Variants in ARFGEF1 observed in about 807,000 individuals in gnomAD.
ARFGEF1 encodes brefeldin A-inhibited guanine nucleotide-exchange protein 1.
A neutral mutation model predicts 231.0 loss-of-function variants in ARFGEF1; 42 were observed. The observed-to-expected ratio is 0.18, with a 90% CI of 0.14 to 0.24. The LOEUF is 0.24. Among genes scored for constraint, ARFGEF1 ranks in the 10% least tolerant of loss-of-function variants. The pLI is 1.00. For missense variants in ARFGEF1, 1,345 were observed against 2,192.0 expected, an observed-to-expected ratio of 0.61 and a Z score of 7.72; for synonymous variants, 710 against 732.3, an observed-to-expected ratio of 0.97 and a Z score of 0.49.
chr8:67,311,566 G>A (rs1807062661), intron 1 of ARFGEF1, among the ~76,000 whole-genome samples: 1 of 148,572 alleles, frequency 6.7e-6, no homozygotes, highest in African/African-American at 2.5e-5. Flanking sequence ...AGGGAGATGG[G>A]GGGGTCAGCC....
At chr8:67,309,697 C>T (rs1191214743) in intron 1 of ARFGEF1, among the ~76,000 whole-genome samples, 1 of 152,140 alleles carries the variant, frequency 6.6e-6, no homozygotes, top group African/African-American at 2.4e-5. Context: ...GAAAAAAATA[C>T]TTTTTGCTCA....
intron 1 of ARFGEF1, among the ~76,000 whole-genome samples, chr8:67,332,735 T>C (rs1023824140): frequency 1.3e-5 from 2 of 152,316 alleles, no homozygotes; most frequent in Non-Finnish European, 2.9e-5. Context: ...CTTACAAACA[T>C]GTAGTACTGT....
At chr8:67,270,368 T>C (rs1441353879) in intron 10 of ARFGEF1, among the ~76,000 whole-genome samples, 1 of 152,200 alleles carries the variant, frequency 6.6e-6, no homozygotes, top group Non-Finnish European at 1.5e-5. Flanking sequence ...TCTTGATAGC[T>C]ATTACAGAAC....
In ARFGEF1 at chr8:67,200,468, T is replaced by C; in HGVS notation, c.5313A>G (p.Glu1771=). 1 of 1,607,314 alleles carries C rather than the reference T, an allele frequency of 6.2e-7. No homozygotes were observed. Residue 1771 remains glutamate (E), a synonymous_variant, in exon 38 of 39, where the codon GAA becomes GAG. Coordinates refer to ENST00000262215, the MANE Select transcript of ARFGEF1 (RefSeq NM_006421.5). The stretch of plus-strand genomic sequence containing the variant: ...AGTTAGTCCAGGCTTCTCGATGACT[T>C]TCTGATGTTAGAGTGAGGAAGTAAC... ...ALSYFLTLTS[E]SHREAWTNLL... is the part of the protein sequence containing the mutation.
At chr8:67,291,431 T>A (rs1806005926) in intron 6 of ARFGEF1, among the ~76,000 whole-genome samples, 1 of 151,556 alleles carries the variant, frequency 6.6e-6, no homozygotes, top group Admixed American at 6.6e-5. Flanking sequence ...TTTTTTTTTT[T>A]ACCATAATCA....
At chr8:67,302,850 G>A (rs1806556059) in intron 1 of ARFGEF1, among the ~76,000 whole-genome samples, 1 of 149,128 alleles carries the variant, frequency 6.7e-6, no homozygotes, top group Non-Finnish European at 1.5e-5. Flanking sequence ...CAACGCAGGA[G>A]GATCACTTGA....
chr8:67,188,484 G>T (rs868174281), intron 5 of ARFGEF1, among the ~76,000 whole-genome samples: 1 of 152,202 alleles, frequency 6.6e-6, no homozygotes, highest in Non-Finnish European at 1.5e-5. Flanking sequence ...GAGAGCACAG[G>T]GGGAGGGACA....
intron 1 of ARFGEF1, among the ~76,000 whole-genome samples, chr8:67,307,660 G>A (rs1339732371): frequency 6.6e-6 from 1 of 152,178 alleles, no homozygotes; most frequent in Non-Finnish European, 1.5e-5. Context: ...GTAACTGTGG[G>A]ATATTCAAGT....
intron 5 of ARFGEF1, among the ~76,000 whole-genome samples, chr8:67,293,255 GTTGT>G (rs1050403768): frequency 3.3e-5 from 5 of 152,036 alleles, no homozygotes; most frequent in Admixed American, 2.6e-4. Flanking sequence ...CAGTTCTGCA[GTTGT>G]TTAAGGGAAA....
In ARFGEF1 at chr8:67,275,934, C is replaced by T. The variant is rs758348227; in HGVS notation, c.1337+42G>A. The T allele has an allele frequency of 3.7e-6, 6 of 1,608,718 alleles. No individual in the cohort carries two copies. In the African/African-American group the frequency reaches 8.0e-5, roughly 22 times the overall value. ...ATTACCTTAACAGTAAGTTTCAAGC[C>T]TAAAAACCTCTATTTGTCAGGCAAA... On this transcript the variant is annotated intron_variant, in intron 9 of 38. Transcript: ENST00000262215.
At chr8:67,197,516 GA>G, downstream of ARFGEF1, 1 of 629,852 alleles carries the variant, frequency 1.6e-6, no homozygotes, top group East Asian at 1.4e-4. Flanking sequence ...ACAGTGTAAG[GA>G]GGATCTAATG....
At chr8:67,299,964 CACAAAAAAAA>C (rs1279743863) in intron 3 of ARFGEF1, among the ~76,000 whole-genome samples, 1 of 148,984 alleles carries the variant, frequency 6.7e-6, no homozygotes, top group East Asian at 2.0e-4. Flanking sequence ...GAGACCTTGT[CACAAAAAAAA>C]ACAAAAAAAA....
chr8:67,340,118 T>C (rs1359334474), intron 1 of ARFGEF1, among the ~76,000 whole-genome samples: 1 of 152,154 alleles, frequency 6.6e-6, no homozygotes, highest in Non-Finnish European at 1.5e-5. Context: ...GGTAGCTGAA[T>C]TAATTTTGAA....
chr8:67,299,269 T>C lies in ARFGEF1; in HGVS notation c.399A>G (p.Thr133=). The change falls in exon 4 of 39, where the codon ACA becomes ACG. Residue 133 remains threonine (T), a synonymous_variant. Transcript: ENST00000262215. Reference sequence around the variant, plus strand: ...GAGGGCCCTGAAAGCAGCCACATATTGTTTCAATAATTCTATCAATTAATT... The same window carrying C: ...GAGGGCCCTGAAAGCAGCCACATATCGTTTCAATAATTCTATCAATTAATT... The part of the protein sequence containing the change: ...GKKLIDRIIE[T]ICGCFQGPQT... The C allele has an allele frequency of 6.2e-7, 1 of 1,604,926 alleles. No individual in the cohort carries two copies. The highest frequency in any genetic ancestry group is 1.1e-5 in the South Asian group (1 of 89,824).
intron 1 of ARFGEF1, among the ~76,000 whole-genome samples, chr8:67,320,961 A>G (rs1012802997): frequency 1.6e-4 from 24 of 152,220 alleles, no homozygotes; most frequent in African/African-American, 4.3e-4. Flanking sequence ...ATCTCAAAAA[A>G]AAAATCAAAC....
chr8:67,234,711 T>C (rs999775612), intron 22 of ARFGEF1, among the ~76,000 whole-genome samples: 4 of 152,106 alleles, frequency 2.6e-5, no homozygotes, highest in Admixed American at 2.0e-4. Context: ...ATCCGTTAGG[T>C]CTTTTAGAAG....
intron 1 of ARFGEF1, among the ~76,000 whole-genome samples, chr8:67,317,265 C>T (rs1367734649): frequency 6.6e-6 from 1 of 152,132 alleles, no homozygotes; most frequent in Non-Finnish European, 1.5e-5. Flanking sequence ...AGTTGCTCTA[C>T]GTAACCGGAG....
At chr8:67,227,075 G>GAA in intron 27 of ARFGEF1, 62 bp downstream of exon 27, 1 of 1,427,772 alleles carries the variant, frequency 7.0e-7, no homozygotes, top group Non-Finnish European at 9.5e-7. Context: ...ATCATCTTCT[G>GAA]AACACGTTAA....
intron 32 of ARFGEF1, 102 bp downstream of exon 32, chr8:67,217,680 T>C: frequency 1.6e-6 from 2 of 1,239,812 alleles, no homozygotes; most frequent in South Asian, 3.0e-5. Flanking sequence ...AGGATTTCTG[T>C]TATGAGAAAT....
Sources: allele counts gnomAD v4.1 joint callset (sites outside exome capture counted in the v4.1 genomes callset), GRCh38; gene constraint gnomAD v4.1.1; transcripts MANE v1.5; gene names NCBI Gene and HGNC (gene_info 2026-07-23, HGNC 2026-07-21).